PIEZO2: variants seen among roughly 807,000 people sequenced by gnomAD.
PIEZO2 encodes the protein piezo-type mechanosensitive ion channel component 2.
In PIEZO2, 172 loss-of-function variants were observed where a neutral mutation model predicts 337.3. That is an observed-to-expected ratio of 0.51 (90% CI 0.45 to 0.58). The LOEUF (loss-of-function observed/expected upper bound fraction) is 0.58. PIEZO2 is among the 20% of genes least tolerant of loss of function. PIEZO2 has a pLI of 0.00. For missense variants in PIEZO2, 3,028 were observed against 3,391.3 expected (o/e 0.89, Z 2.66); for synonymous variants, 1,251 against 1,228.5 (o/e 1.02, Z -0.38).
Position 11,104,766 on chromosome 18 carries a change from A to G in PIEZO2, c.65-38544T>C, listed in dbSNP as rs1309743738. 1.3e-5 allele frequency among the ~76,000 whole-genome samples: 2 copies of G among 152,232 alleles called. No homozygotes were observed. Among genetic ancestry groups the G allele is most frequent in the Admixed American group, 6.5e-5 (1 of 15,286 alleles). ...TTGCAAAGCACTGAGATGTTGGGAC[A>G]TAACTACAATGCAGTATAACGGCGC... is the stretch of plus-strand genomic sequence containing the variant. On this transcript the variant is annotated intron_variant, in intron 1 of 55. Coordinates refer to ENST00000674853, the MANE Select transcript of PIEZO2 (RefSeq NM_001378183.1). The surrounding 1 kb of genome is among the most constrained non-coding windows in gnomAD (Gnocchi z 4.6).
chr18:10,795,257 G>T lies in PIEZO2; in HGVS notation c.1528-255C>A, dbSNP rs1265440088. Among the ~76,000 whole-genome samples, 1 of 151,956 alleles carries T rather than the reference G, an allele frequency of 6.6e-6. No individual in the cohort carries two copies. The highest frequency in any genetic ancestry group is 2.4e-5 in the African/African-American group (1 of 41,392). ...GGACAAGGGCACATTTTTAATGAAG[G>T]ATTGTGTTGTTTTTACAATAGACTT... On this transcript the variant is annotated intron_variant, in intron 12 of 55. Coordinates refer to ENST00000674853, the MANE Select transcript of PIEZO2 (RefSeq NM_001378183.1). This position sits in a 1 kb window ranked among gnomAD's most constrained non-coding sequence, Gnocchi z 4.4.
intron 2 of PIEZO2, among the ~76,000 whole-genome samples, chr18:11,023,759 G>A (rs1285752636): frequency 2.0e-5 from 3 of 152,210 alleles, no homozygotes; most frequent in African/African-American, 4.8e-5. Context: ...GGAGGCTCAG[G>A]CATGGTGGGC....
intron 3 of PIEZO2, among the ~76,000 whole-genome samples, chr18:10,931,166 A>G (rs929976561): frequency 2.0e-5 from 3 of 151,926 alleles, no homozygotes; most frequent in African/African-American, 7.3e-5. Flanking sequence ...AGCTATCTAA[A>G]TATATATCTA....
intron 16 of PIEZO2, among the ~76,000 whole-genome samples, 180 bp downstream of exon 16, chr18:10,786,856 G>T (rs180756499): frequency 6.7e-6 from 1 of 149,210 alleles, no homozygotes; most frequent in Non-Finnish European, 1.5e-5. Flanking sequence ...TGCCTATTAT[G>T]TTCTAAGCTA....
rs2038364083 is a variant in PIEZO2, at chr18:10,766,504, AG to A, written c.2947-3407del. Among the ~76,000 whole-genome samples, 1 of 152,226 alleles carries A rather than the reference AG, an allele frequency of 6.6e-6. No individual in the cohort carries two copies. Among genetic ancestry groups the A allele is most frequent in the Non-Finnish European group, 1.5e-5 (1 of 68,038 alleles). On this transcript the variant is annotated intron_variant, in intron 21 of 55. Transcript: ENST00000674853. The surrounding 1 kb of genome is among the most constrained non-coding windows in gnomAD (Gnocchi z 6.1). ...TTATGCAATAGTGCTTTCCCAAAAA[AG>A]CCCTGTACACAGGTTGTCATCCTAT... is the stretch of plus-strand genomic sequence containing the variant.
chr18:10,769,526 C>A (rs1328097549), intron 21 of PIEZO2, among the ~76,000 whole-genome samples: 4 of 152,166 alleles, frequency 2.6e-5, no homozygotes, highest in African/African-American at 9.7e-5. Flanking sequence ...GCAAAGAATT[C>A]TTGAATTGTA....
intron 39 of PIEZO2, among the ~76,000 whole-genome samples, chr18:10,712,340 GAC>G (rs1234987993): frequency 3.3e-5 from 5 of 152,166 alleles, no homozygotes; most frequent in Non-Finnish European, 7.3e-5. Context: ...CATGGAGCTA[GAC>G]ACGGATTTTA....
intron 4 of PIEZO2, among the ~76,000 whole-genome samples, chr18:10,907,985 T>G (rs1175427960): frequency 6.6e-6 from 1 of 152,224 alleles, no homozygotes; most frequent in African/African-American, 2.4e-5. Flanking sequence ...ACAACACACT[T>G]CTGTAATGAA....
In PIEZO2 at chr18:11,001,084, G is replaced by A. The variant is rs1000768980; in HGVS notation, c.161-21424C>T. Among the ~76,000 whole-genome samples, 1 of 152,164 alleles carries A rather than the reference G, an allele frequency of 6.6e-6. No individual in the cohort carries two copies. On this transcript the variant is annotated intron_variant, in intron 2 of 55. Transcript: ENST00000674853. The surrounding 1 kb of genome is among the most constrained non-coding windows in gnomAD (Gnocchi z 5.3). ...TAGGAGTCATGAGTCAACCACCCCT[G>A]GAACCTGGAAGAATATGTGTCTTGG...
intron 3 of PIEZO2, among the ~76,000 whole-genome samples, chr18:10,966,851 A>G (rs1013436489): frequency 1.3e-5 from 2 of 151,988 alleles, no homozygotes; most frequent in Non-Finnish European, 2.9e-5. Flanking sequence ...GCTCCCACTT[A>G]TGAGTGAGAA....
intron 34 of PIEZO2, among the ~76,000 whole-genome samples, 53 bp from the exon 35 acceptor site, chr18:10,735,383 A>T (rs1164076084): frequency 6.6e-6 from 1 of 152,194 alleles, no homozygotes; most frequent in Non-Finnish European, 1.5e-5. Context: ...AAAAACTAGT[A>T]ATTTAATATA....
rs953018913 is a variant in PIEZO2 at position 10,759,832 on chromosome 18, G to C, written c.3528C>G (p.Ile1176Met). Residue 1176 changes from isoleucine (I) to methionine (M), a missense_variant, in exon 25 of 56, where the codon ATC becomes ATG. By Grantham distance (10) the Ile-to-Met change is conservative (BLOSUM62 1). This residue lies in a region of PIEZO2 where 1,925 missense variants were observed against 2,051.9 expected (regional missense o/e 0.94). Coordinates refer to ENST00000674853, the MANE Select transcript of PIEZO2 (RefSeq NM_001378183.1). The surrounding 1 kb of genome is among the most constrained non-coding windows in gnomAD (Gnocchi z 5.5). ...TCCTTCTGCGTCTATATAAGACAGC[G>C]ATCAGCCAGCAGGCGTGGATCATGG... ...FYAMIHACWL[I>M]AVLYRRRRKA... 11 of 1,537,256 alleles carry C rather than the reference G, an allele frequency of 7.2e-6. No homozygotes were observed. Among genetic ancestry groups the C allele is most frequent in the African/African-American group, 2.7e-5 (2 of 73,020 alleles).
Position 10,821,784 on chromosome 18 carries a change from A to G in PIEZO2, c.918-14510T>C, listed in dbSNP as rs763753523. On this transcript the variant is annotated intron_variant, in intron 7 of 55. Coordinates refer to ENST00000674853, the MANE Select transcript of PIEZO2 (RefSeq NM_001378183.1). This position sits in a 1 kb window ranked among gnomAD's most constrained non-coding sequence, Gnocchi z 4.2. Reference sequence around the variant, plus strand: ...TCAGGTGAACATACATCCTCTTTCAACTTCTTCCACACTTTTGTCTTTCTT... The same window carrying G: ...TCAGGTGAACATACATCCTCTTTCAGCTTCTTCCACACTTTTGTCTTTCTT... Among the ~76,000 whole-genome samples the G allele has an allele frequency of 6.6e-6, 1 of 152,084 alleles. No individual in the cohort carries two copies. The highest frequency in any genetic ancestry group is 1.5e-5 in the Non-Finnish European group (1 of 68,024).
intron 2 of PIEZO2, among the ~76,000 whole-genome samples, chr18:11,051,549 AAAG>A (rs2037538774): frequency 6.6e-6 from 1 of 152,168 alleles, no homozygotes; most frequent in African/African-American, 2.4e-5. Flanking sequence ...TTCTCCCAAG[AAAG>A]AAGTAGATAT....
Position 10,689,724 on chromosome 18 carries a change from G to T in PIEZO2, c.7428C>A (p.Ser2476=). The part of the protein sequence containing the change: ...WVWTDTTLSL[S]SWICVEDIYA... ...AGATGTCCTCCACACAGATCCAGCT[G>T]GACAGGCTCAAAGTTGTGTCCGTCC... The change falls in exon 49 of 56, where the codon TCC becomes TCA. Residue 2476 remains serine, a synonymous_variant. Transcript: ENST00000674853. The T allele has an allele frequency of 6.2e-7, 1 of 1,614,184 alleles. No homozygotes were observed. Among genetic ancestry groups the T allele is most frequent in the East Asian group, 2.2e-5 (1 of 44,886 alleles).
intron 2 of PIEZO2, among the ~76,000 whole-genome samples, chr18:11,012,572 G>A (rs1345784138): frequency 6.6e-6 from 1 of 152,146 alleles, no homozygotes; most frequent in Non-Finnish European, 1.5e-5. Context: ...ACCAGCTCAG[G>A]TGCTGATTTC....
In PIEZO2 at chr18:10,691,297, C is replaced by A; in HGVS notation, c.7277G>T (p.Gly2426Val). The A allele has an allele frequency of 6.2e-7, 1 of 1,614,006 alleles. No individual in the cohort carries two copies. The highest frequency in any genetic ancestry group is 8.5e-7 in the Non-Finnish European group (1 of 1,179,938). ...FGLSAYQIRCGYPTRVLGNFL... is the reference protein window; with the variant it reads ...FGLSAYQIRCVYPTRVLGNFL... ...GTTCCCCAGGACTCGCGTTGGGTAG[C>A]CACAACGGATCTGGTAAGCAGACAA... The change falls in exon 48 of 56, where the codon GGC (glycine) becomes GTC (valine). Residue 2426 changes from glycine (G) to valine (V), a missense_variant. Gly to Val is a moderately radical substitution (Grantham distance 109). Around this residue, in one of 5 missense-constraint regions of PIEZO2, gnomAD observed 179 missense variants for 281.8 expected, o/e 0.64. Transcript: ENST00000674853.
chr18:10,744,141 C>T lies in PIEZO2; in HGVS notation c.4514+1G>A, dbSNP rs1237422126. ...AGGATGAGCATCAATAGCATCCTTACTGTCGCTTCAGCTGGTCCATGGACT... is the reference window on the plus strand; with the variant it reads ...AGGATGAGCATCAATAGCATCCTTATTGTCGCTTCAGCTGGTCCATGGACT... On this transcript the variant is annotated splice_donor_variant, in intron 31 of 55. Transcript: ENST00000674853. LOFTEE classifies it high-confidence loss of function. 6.5e-7 allele frequency: 1 copy of T among 1,528,460 alleles called. No individual in the cohort carries two copies. The highest frequency in any genetic ancestry group is 2.0e-5 in the Admixed American group (1 of 50,956). The allele number at this position is 1,528,460 out of a possible 1,614,324, so 94.7% of individuals were successfully genotyped here.
At chr18:10,900,659 T>C (rs570288969) in intron 4 of PIEZO2, among the ~76,000 whole-genome samples, 1 of 152,202 alleles carries the variant, frequency 6.6e-6, no homozygotes, top group African/African-American at 2.4e-5. Flanking sequence ...TAGTGACCAC[T>C]AGTCACCGTG....
Sources: gnomAD v4.1 joint callset for allele counts (sites outside exome capture counted in the v4.1 genomes callset) on GRCh38, gnomAD v4.1.1 for gene constraint, gnomAD v4.1.1 regional missense constraint, Gnocchi (gnomAD v3.1) non-coding constraint, MANE v1.5 for transcripts, NCBI Gene and HGNC (gene_info 2026-07-23, HGNC 2026-07-21) for gene names.